The following HMGN5 variants were observed in gnomAD, a reference collection of about 807,000 sequenced individuals.
HMGN5 encodes high mobility group nucleosome-binding domain-containing protein 5.
Under a neutral mutation model 9.5 loss-of-function variants are expected in HMGN5, and 4 were observed. That is an observed-to-expected ratio of 0.42 (90% CI 0.21 to 0.96). HMGN5 has a LOEUF of 0.96. HMGN5 is among the 40% of genes least tolerant of loss of function. The pLI, the probability that HMGN5 is intolerant of heterozygous loss-of-function variation, is 0.30. For missense variants in HMGN5, 192 were observed against 187.5 expected (o/e 1.02, Z -0.14); for synonymous variants, 55 against 57.1 (o/e 0.96, Z 0.16).
At chrX:81,153,636 T>TATATATAC (rs2075374862) in intron 1 of HMGN5, among the ~76,000 whole-genome samples, 1 of 52,442 alleles carries the variant, frequency 1.9e-5, no homozygotes, top group African/African-American at 7.7e-5. Flanking sequence ...TATATATATA[T>TATATATAC]ATATGTATCT....
In HMGN5 at chrX:81,140,203, C is replaced by T. The variant is rs748530504; in HGVS notation, c.-123-18531G>A. ...AGAGTTGTGAGGTCACTGTTTCAGG[C>T]CCTAGTTCCCAGATAACATTTCCAG... On this transcript the variant is annotated intron_variant, in intron 1 of 6. Coordinates refer to ENST00000358130, the MANE Select transcript of HMGN5 (RefSeq NM_030763.3). Among the ~76,000 whole-genome samples, 8 of 111,509 alleles carry T rather than the reference C, an allele frequency of 7.2e-5. No individual in the cohort carries two copies. In the East Asian group the frequency reaches 1.4e-3, roughly 20 times the overall value.
chrX:81,132,048 C>G (rs1426463590), intron 1 of HMGN5, among the ~76,000 whole-genome samples: 1 of 111,275 alleles, frequency 9.0e-6, no homozygotes, highest in Non-Finnish European at 1.9e-5. Context: ...GCAAAAATCG[C>G]TAGCATTATT....
chrX:81,191,693 G>T (rs1030998442), intron 1 of HMGN5, among the ~76,000 whole-genome samples: 4 of 111,875 alleles, frequency 3.6e-5, no homozygotes, highest in Non-Finnish European at 7.5e-5. Context: ...TATTTCCTTA[G>T]CAAGAGATAA....
intron 1 of HMGN5, among the ~76,000 whole-genome samples, chrX:81,144,403 C>T (rs770212068): frequency 4.9e-4 from 55 of 111,267 alleles, no homozygotes; most frequent in African/African-American, 1.7e-3. Flanking sequence ...CTGCAGCAGA[C>T]GAGTCGGACT....
chrX:81,176,073 C>A (rs1209278655), intron 1 of HMGN5, among the ~76,000 whole-genome samples: 1 of 111,414 alleles, frequency 9.0e-6, no homozygotes, highest in African/African-American at 3.3e-5. Context: ...GAGGAAGCTT[C>A]CAGAGGAAGG....
intron 1 of HMGN5, among the ~76,000 whole-genome samples, chrX:81,140,654 C>T (rs1427488951): frequency 9.2e-6 from 1 of 109,180 alleles, no homozygotes; most frequent in Non-Finnish European, 1.9e-5. Flanking sequence ...CAACCAGTAA[C>T]GATTACCTGG....
At chrX:81,160,205 G>A (rs936715807) in intron 1 of HMGN5, among the ~76,000 whole-genome samples, 4 of 111,155 alleles carry the variant, frequency 3.6e-5, no homozygotes, top group African/African-American at 6.5e-5. Context: ...CTTGATTCAG[G>A]AAAATTTGTG....
chrX:81,184,894 A>C (rs776395877), intron 1 of HMGN5, among the ~76,000 whole-genome samples: 2 of 111,573 alleles, frequency 1.8e-5, no homozygotes, highest in East Asian at 2.8e-4. Flanking sequence ...TCTTTTCCCC[A>C]GTGTATGTTT....
intron 1 of HMGN5, among the ~76,000 whole-genome samples, chrX:81,132,844 T>C (rs1658181947): frequency 9.1e-6 from 1 of 110,281 alleles, no homozygotes; most frequent in Non-Finnish European, 1.9e-5. Context: ...AATTGACAAG[T>C]GGGATTTAAT....
At chrX:81,133,535 G>T (rs375513297) in intron 1 of HMGN5, among the ~76,000 whole-genome samples, 10 of 111,683 alleles carry the variant, frequency 9.0e-5, no homozygotes, top group African/African-American at 3.2e-4. Flanking sequence ...CCATAAAAAA[G>T]AATGAAATAA....
In HMGN5 at chrX:81,146,081, T is replaced by C. The variant is rs150547991; in HGVS notation, c.-123-24409A>G. On this transcript the variant is annotated intron_variant, in intron 1 of 6. Coordinates refer to ENST00000358130, the MANE Select transcript of HMGN5 (RefSeq NM_030763.3). ...GACTTTAACACCCCGCTGTCAACAA[T>C]AGACAGATCAATGAGACAGAAATTA... 5.2e-3 allele frequency among the ~76,000 whole-genome samples: 576 copies of C among 110,875 alleles called. 4 individuals carry two copies. Among genetic ancestry groups the C allele is most frequent in the African/African-American group, 0.017 (527 of 30,471 alleles).
Position 81,115,042 on chromosome X carries a change from T to G in HMGN5, c.456A>C (p.Lys152Asn), listed in dbSNP as rs2075249253. 2 of 1,156,321 alleles carry G rather than the reference T, an allele frequency of 1.7e-6. No homozygotes were observed. The highest frequency in any genetic ancestry group is 2.3e-6 in the Non-Finnish European group (2 of 869,534). Residue 152 changes from lysine (K) to asparagine (N), a missense_variant, in exon 7 of 7, where the codon AAA becomes AAC. Physicochemically the swap from Lys to Asn is moderately conservative, Grantham distance 94. Transcript: ENST00000358130. ...GEAGKEDKDE[K>N]GEEDGKEDKN... The stretch of plus-strand genomic sequence containing the variant: ...TATCCTCTTTTCCATCTTCTTCCCC[T>G]TTTTCATCTTTGTCTTCTTTTCCAG...
At chrX:81,170,140 G>T (rs1410732359) in intron 1 of HMGN5, among the ~76,000 whole-genome samples, 2 of 108,754 alleles carry the variant, frequency 1.8e-5, no homozygotes, top group Non-Finnish European at 3.8e-5. Context: ...TATCTTAAGA[G>T]GCAATGGATT....
At chrX:81,167,182 C>A (rs964411591) in intron 1 of HMGN5, among the ~76,000 whole-genome samples, 6 of 110,968 alleles carry the variant, frequency 5.4e-5, no homozygotes, top group African/African-American at 2.0e-4. Context: ...TCCCAGAGTA[C>A]ATGGCACTCT....
At chrX:81,158,172 A>G (rs2075388486) in intron 1 of HMGN5, among the ~76,000 whole-genome samples, 1 of 112,181 alleles carries the variant, frequency 8.9e-6, no homozygotes, top group African/African-American at 3.2e-5. Flanking sequence ...GATTAAAACC[A>G]ATAGTTCTAT....
chrX:81,170,735 C>T (rs1054437081), intron 1 of HMGN5, among the ~76,000 whole-genome samples: 2 of 110,879 alleles, frequency 1.8e-5, no homozygotes, highest in African/African-American at 6.6e-5. Flanking sequence ...CTCAAATTCC[C>T]CACTCTATTA....
At chrX:81,150,265 A>T (rs1179104367) in intron 1 of HMGN5, among the ~76,000 whole-genome samples, 2 of 111,954 alleles carry the variant, frequency 1.8e-5, no homozygotes, top group Non-Finnish European at 3.8e-5. Flanking sequence ...GAATTTTGGG[A>T]ACTGTAAAAA....
rs768773672 is a variant in HMGN5, at chrX:81,133,194, C to CA, written c.-123-11523dup. Among the ~76,000 whole-genome samples, 16 of 109,578 alleles carry CA rather than the reference C, an allele frequency of 1.5e-4. No individual in the cohort carries two copies. In the South Asian group the frequency reaches 1.6e-3, roughly 11 times the overall value. ...GTCAGAATAACAATTATTACGAAAT[C>CA]AAAAAAAATAACAGATGCTGTGAGG... On this transcript the variant is annotated intron_variant, in intron 1 of 6. Transcript: ENST00000358130.
chrX:81,176,524 G>C (rs920172874), intron 1 of HMGN5, among the ~76,000 whole-genome samples: 1 of 110,887 alleles, frequency 9.0e-6, no homozygotes, highest in African/African-American at 3.3e-5. Flanking sequence ...TTGCAAGGAA[G>C]CTAAAAACCT....
Sources: allele counts gnomAD v4.1 joint callset (sites outside exome capture counted in the v4.1 genomes callset), GRCh38; gene constraint gnomAD v4.1.1; transcripts MANE v1.5; gene names NCBI Gene and HGNC (gene_info 2026-07-23, HGNC 2026-07-21).